ACOT11: variants seen among roughly 807,000 people sequenced by gnomAD.
ACOT11 encodes the protein acyl-coenzyme A thioesterase 11.
Under a neutral mutation model 77.5 loss-of-function variants are expected in ACOT11, and 69 were observed. That is an observed-to-expected ratio of 0.89 (90% confidence interval 0.73 to 1.09). The LOEUF is 1.09. Among genes scored for constraint, ACOT11 ranks in the 50% least tolerant of loss-of-function variants. The pLI is 0.00. For synonymous variants in ACOT11, 279 were observed against 313.0 expected, an observed-to-expected ratio of 0.89 and a Z score of 1.15; for missense variants, 766 against 813.7, an observed-to-expected ratio of 0.94 and a Z score of 0.71.
intron 9 of ACOT11, 62 bp downstream of exon 9, chr1:54,601,475 A>G (rs1240336164): frequency 1.3e-6 from 2 of 1,578,400 alleles, no homozygotes; most frequent in African/African-American, 1.3e-5. Context: ...CTGCCCTGGC[A>G]TGGTGGAGAC....
chr1:54,549,869 C>T (rs1653002010), intron 1 of ACOT11, among the ~76,000 whole-genome samples: 4 of 152,242 alleles, frequency 2.6e-5, no homozygotes, highest in African/African-American at 9.6e-5. Flanking sequence ...CTCGTATCTT[C>T]TCTTGTGCCC....
At position 54,608,791 on chromosome 1, in the gene ACOT11, G is replaced by A. The variant is rs922935827; in HGVS notation, c.1630-166G>A. Among the ~76,000 whole-genome samples the A allele has an allele frequency of 9.2e-5, 14 of 151,970 alleles. 1 individual carries two copies. Among genetic ancestry groups the A allele is most frequent in the Admixed American group, 6.5e-4 (10 of 15,268 alleles). The stretch of plus-strand genomic sequence containing the variant: ...GAGATCAGCTGGAGGAGGTCATGCT[G>A]GGCAACTGTGTAATCTAAGACCCTG... On this transcript the variant is annotated intron_variant, in intron 15 of 15. Coordinates refer to ENST00000343744, the MANE Select transcript of ACOT11 (RefSeq NM_147161.4).
Position 54,584,557 on chromosome 1 carries a change from C to A in ACOT11, c.34-98C>A. ...GGTGGGAGGTGGCCCTAGGTACTCT[C>A]TCTCCCCCAGACCCTAAGTTCTCAG... On this transcript the variant is annotated intron_variant, in intron 1 of 15. Coordinates refer to ENST00000343744, the MANE Select transcript of ACOT11 (RefSeq NM_147161.4). The surrounding 1 kb of genome is among the most constrained non-coding windows in gnomAD (Gnocchi z 6.3). 8.3e-7 allele frequency: 1 copy of A among 1,202,328 alleles called. No individual in the cohort carries two copies. Among genetic ancestry groups the A allele is most frequent in the Non-Finnish European group, 1.2e-6 (1 of 852,260 alleles). 74.5% of individuals were successfully genotyped at this position (1,202,328 alleles called of 1,614,324 possible). A position where few individuals can be genotyped will look rare whatever the true frequency, so the allele number is the denominator to read the frequency against.
intron 15 of ACOT11, chr1:54,616,000 GTTTCCAGAGAGGCCC>G (rs761236004): frequency 6.2e-7 from 1 of 1,612,346 alleles, no homozygotes; most frequent in South Asian, 1.1e-5. Context: ...GCCGGAGAGG[GTTTCCAGAGAGGCCC>G]TTACCCTTTT....
intron 15 of ACOT11, among the ~76,000 whole-genome samples, chr1:54,619,215 C>A (rs928812807): frequency 6.6e-6 from 1 of 152,204 alleles, no homozygotes; most frequent in Non-Finnish European, 1.5e-5. Flanking sequence ...TCTTTTATAG[C>A]TACTGCTTTA....
intron 1 of ACOT11, among the ~76,000 whole-genome samples, chr1:54,583,024 G>A (rs1172792): frequency 0.018 from 2,699 of 152,196 alleles, 85 homozygotes; most frequent in African/African-American, 0.061. Context: ...CCAGCCACCC[G>A]TATCCATGCA....
At chr1:54,553,931 C>T (rs576216971) in intron 1 of ACOT11, among the ~76,000 whole-genome samples, 3 of 152,160 alleles carry the variant, frequency 2.0e-5, no homozygotes, top group African/African-American at 2.4e-5. Context: ...CCCAGTACTT[C>T]GGGAGGCTGA....
At chr1:54,629,610 T>C (rs1644289713) in intron 15 of ACOT11, among the ~76,000 whole-genome samples, 1 of 130,644 alleles carries the variant, frequency 7.7e-6, no homozygotes, top group African/African-American at 2.6e-5. Context: ...TTTGAGACAG[T>C]GTCTTGCTCT....
intron 1 of ACOT11, among the ~76,000 whole-genome samples, chr1:54,578,015 A>C (rs1161709011): frequency 6.6e-6 from 1 of 152,120 alleles, no homozygotes; most frequent in Non-Finnish European, 1.5e-5. Context: ...AGGGGTCATG[A>C]TGCTTCCCCC....
chr1:54,548,317 A>G lies in ACOT11; in HGVS notation c.8A>G (p.Gln3Arg). 1 of 1,601,364 alleles carries G rather than the reference A, an allele frequency of 6.2e-7. No individual in the cohort carries two copies. Among genetic ancestry groups the G allele is most frequent in the Non-Finnish European group, 8.5e-7 (1 of 1,174,528 alleles). ...CCCCGGCCACCCGGCGCGATGATCC[A>G]GAATGTCGGAAATCACCTGCGACGG... MIQNVGNHLRRGL... is the reference protein window; with the variant it reads MIRNVGNHLRRGL... The change falls in exon 1 of 16, where the codon CAG (glutamine) becomes CGG (arginine). Residue 3 changes from glutamine to arginine, a missense_variant. Transcript: ENST00000343744.
chr1:54,577,904 A>G (rs1398101884), intron 1 of ACOT11, among the ~76,000 whole-genome samples: 1 of 152,166 alleles, frequency 6.6e-6, no homozygotes, highest in Non-Finnish European at 1.5e-5. Flanking sequence ...TCCTCCTTCC[A>G]AGTTTTTCAG....
At chr1:54,612,659 G>C, downstream of ACOT11, 1 of 1,614,090 alleles carries the variant, frequency 6.2e-7, no homozygotes, top group Admixed American at 1.7e-5. Context: ...AGGTGGTCCA[G>C]CCTGGAGATA....
intron 13 of ACOT11, among the ~76,000 whole-genome samples, chr1:54,605,706 A>G (rs1394321601): frequency 1.3e-5 from 2 of 152,252 alleles, no homozygotes; most frequent in Admixed American, 6.5e-5. Context: ...CAAATATATT[A>G]TTTTTGAATA....
intron 3 of ACOT11, among the ~76,000 whole-genome samples, chr1:54,586,220 A>G (rs1654494828): frequency 6.6e-6 from 1 of 152,052 alleles, no homozygotes; most frequent in Non-Finnish European, 1.5e-5. Context: ...CAGTTTTCTC[A>G]TCTGCAGAAT....
At chr1:54,552,962 G>A (rs1257374265) in intron 1 of ACOT11, among the ~76,000 whole-genome samples, 1 of 151,670 alleles carries the variant, frequency 6.6e-6, no homozygotes, top group Non-Finnish European at 1.5e-5. Context: ...CAAGTAGCTG[G>A]GATTACAGGC....
intron 13 of ACOT11, among the ~76,000 whole-genome samples, chr1:54,606,048 C>T (rs1644021145): frequency 6.6e-6 from 1 of 152,182 alleles, no homozygotes. Context: ...TTCCCCTTCC[C>T]ACCCCATCTA....
At chr1:54,562,452 C>T (rs1653553070) in intron 1 of ACOT11, among the ~76,000 whole-genome samples, 1 of 88,736 alleles carries the variant, frequency 1.1e-5, no homozygotes, top group Non-Finnish European at 2.2e-5. Context: ...GGCTGATCCC[C>T]CCACCTCCCT....
intron 15 of ACOT11, among the ~76,000 whole-genome samples, chr1:54,622,255 GAC>G (rs1322532461): frequency 2.5e-5 from 3 of 119,416 alleles, no homozygotes; most frequent in African/African-American, 9.7e-5. Flanking sequence ...TAGGCTGAGT[GAC>G]AGAGTGAGAC....
chr1:54,553,317 A>G (rs1219431677), intron 1 of ACOT11, among the ~76,000 whole-genome samples: 1 of 150,190 alleles, frequency 6.7e-6, no homozygotes, highest in East Asian at 2.1e-4. Flanking sequence ...GGAGTTTGAG[A>G]CCAGCCTGAC....
Sources: allele counts gnomAD v4.1 joint callset (sites outside exome capture counted in the v4.1 genomes callset), GRCh38; gene constraint gnomAD v4.1.1; non-coding constraint Gnocchi (gnomAD v3.1); transcripts MANE v1.5; gene names NCBI Gene and HGNC (gene_info 2026-07-23, HGNC 2026-07-21).